MID1: variants seen among roughly 807,000 people sequenced by gnomAD.
MID1 encodes the protein E3 ubiquitin-protein ligase Midline-1.
In MID1, 7 loss-of-function variants were observed where a neutral mutation model predicts 40.4. That is an observed-to-expected ratio of 0.17 (90% CI 0.10 to 0.33). MID1 has a LOEUF of 0.33. MID1 is among the 10% of genes least tolerant of loss of function. The pLI, the probability that MID1 is intolerant of heterozygous loss-of-function variation, is 1.00. For missense variants in MID1, 367 were observed against 558.5 expected, an observed-to-expected ratio of 0.66 and a Z score of 3.46; for synonymous variants, 229 against 221.2, an observed-to-expected ratio of 1.04 and a Z score of -0.31.
chrX:10,673,066 T>C (rs764140039), intron 1 of MID1, among the ~76,000 whole-genome samples: 2 of 112,018 alleles, frequency 1.8e-5, no homozygotes, highest in African/African-American at 3.2e-5. Context: ...ATTGGATAGA[T>C]AGTGCTGACT....
chrX:10,689,928 A>G, intron 1 of MID1, among the ~76,000 whole-genome samples: 1 of 111,271 alleles, frequency 9.0e-6, no homozygotes, highest in Non-Finnish European at 1.9e-5. Context: ...AAATCCTAAA[A>G]GACAAGTACT....
intron 3 of MID1, among the ~76,000 whole-genome samples, chrX:10,516,287 C>T (rs1048654665): frequency 1.9e-5 from 2 of 106,234 alleles, no homozygotes; most frequent in Non-Finnish European, 1.9e-5. Flanking sequence ...CTCTGCCTCC[C>T]GGGTTCACGC....
At chrX:10,541,076 G>T (rs2464659) in intron 2 of MID1, among the ~76,000 whole-genome samples, 8 of 112,183 alleles carry the variant, frequency 7.1e-5, no homozygotes, top group African/African-American at 2.6e-4. Context: ...GATCTGTCTG[G>T]AAGAGTCCAG....
In MID1 at chrX:10,665,454, T is replaced by C. The variant is rs1402272797; in HGVS notation, c.-186-45035A>G. ...GCAACACTCTGACTAGCTCTTTTTG[T>C]GTGGCCAGAAAGGTCTTGAGGCTTC... On this transcript the variant is annotated intron_variant, in intron 1 of 10. Coordinates refer to the MID1 transcript ENST00000380785. Among the ~76,000 whole-genome samples the C allele has an allele frequency of 3.6e-5, 4 of 110,760 alleles. No individual in the cohort carries two copies. The East Asian group carries it at 1.1e-3, about 31-fold the overall frequency.
chrX:10,696,057 C>T (rs2043161867), intron 1 of MID1, among the ~76,000 whole-genome samples: 1 of 110,810 alleles, frequency 9.0e-6, no homozygotes, highest in Non-Finnish European at 1.9e-5. Context: ...TGGTTATACC[C>T]AGTGCCAGGG....
chrX:10,826,978 T>C (rs749617055), intron 1 of MID1, among the ~76,000 whole-genome samples: 3 of 111,832 alleles, frequency 2.7e-5, no homozygotes, highest in Non-Finnish European at 5.6e-5. Flanking sequence ...CCCATCTTCA[T>C]GGGACTTTGC....
intron 1 of MID1, among the ~76,000 whole-genome samples, chrX:10,832,978 G>A (rs1255191376): frequency 1.8e-5 from 2 of 112,434 alleles, no homozygotes; most frequent in Non-Finnish European, 3.8e-5. Context: ...TTGTCAAAAC[G>A]CAAGAGCGAG....
At chrX:10,748,400 A>G (rs73482918) in intron 1 of MID1, among the ~76,000 whole-genome samples, 11,881 of 112,061 alleles carry the variant, frequency 0.11, 1,526 homozygotes, top group African/African-American at 0.36. Flanking sequence ...TACATTGCTC[A>G]CATTAAAGAT....
At chrX:10,620,654 C>T (rs1294217245), upstream of MID1, 1 of 111,985 alleles carries the variant, frequency 8.9e-6, no homozygotes, top group South Asian at 3.8e-4. Flanking sequence ...GGGGTGGGTC[C>T]TGGGAGCCAG....
At chrX:10,658,101 C>A (rs773132820) in intron 1 of MID1, among the ~76,000 whole-genome samples, 1 of 111,223 alleles carries the variant, frequency 9.0e-6, no homozygotes, top group African/African-American at 3.3e-5. Flanking sequence ...ACCTATTATT[C>A]TTCTACCAAA....
intron 2 of MID1, among the ~76,000 whole-genome samples, chrX:10,543,764 A>G (rs1933569360): frequency 9.0e-6 from 1 of 110,659 alleles, no homozygotes; most frequent in East Asian, 2.8e-4. Context: ...AATCACTGGA[A>G]CCCGGGAAGC....
chrX:10,465,212 T>TACACACACACAC (rs1291317865), intron 7 of MID1, among the ~76,000 whole-genome samples: 1 of 56,046 alleles, frequency 1.8e-5, no homozygotes, highest in Admixed American at 1.8e-4. Flanking sequence ...TATATATATA[T>TACACACACACAC]ATACACACAC....
chrX:10,516,483 C>T (rs921236395), intron 3 of MID1, among the ~76,000 whole-genome samples: 10 of 108,843 alleles, frequency 9.2e-5, no homozygotes, highest in Admixed American at 5.8e-4. Flanking sequence ...CGTGAGCCAC[C>T]GCACCTGGCC....
At chrX:10,671,423 A>G (rs2147592558) in intron 1 of MID1, among the ~76,000 whole-genome samples, 1 of 112,303 alleles carries the variant, frequency 8.9e-6, no homozygotes, top group East Asian at 2.8e-4. Context: ...AAGAGGGTTG[A>G]TATGAAAATT....
chrX:10,558,065 T>C (rs868033237), intron 2 of MID1, among the ~76,000 whole-genome samples: 1 of 89,802 alleles, frequency 1.1e-5, no homozygotes, highest in Non-Finnish European at 2.2e-5. Context: ...CTCTCTCTCT[T>C]AAAAAAAAAA....
At chrX:10,582,225 C>T (rs1211097208) in intron 1 of MID1, among the ~76,000 whole-genome samples, 1 of 111,065 alleles carries the variant, frequency 9.0e-6, no homozygotes, top group African/African-American at 3.3e-5. Flanking sequence ...TTAGCCTGCC[C>T]AACTTTTGCC....
chrX:10,695,501 A>G (rs182819396), intron 1 of MID1, among the ~76,000 whole-genome samples: 2 of 111,793 alleles, frequency 1.8e-5, no homozygotes, highest in East Asian at 5.6e-4. Flanking sequence ...CCACATCCTT[A>G]TGATTACATT....
intron 5 of MID1, among the ~76,000 whole-genome samples, chrX:10,476,354 G>T (rs973801582): frequency 1.5e-4 from 17 of 110,714 alleles, no homozygotes; most frequent in Non-Finnish European, 1.9e-4. Flanking sequence ...GCATTCAGAA[G>T]CAGAGTCTCA....
intron 1 of MID1, among the ~76,000 whole-genome samples, chrX:10,629,300 C>G (rs1936027820): frequency 2.7e-5 from 3 of 110,414 alleles, no homozygotes; most frequent in African/African-American, 9.9e-5. Context: ...TGAGTTCAAG[C>G]TATTCTCCAG....
Sources: allele counts gnomAD v4.1 joint callset (sites outside exome capture counted in the v4.1 genomes callset), GRCh38; gene constraint gnomAD v4.1.1; transcripts MANE v1.5; gene names NCBI Gene and HGNC (gene_info 2026-07-23, HGNC 2026-07-21).